SCUBE1: variants seen among roughly 807,000 people sequenced by gnomAD.
SCUBE1 encodes signal peptide, CUB and EGF-like domain-containing protein 1.
SCUBE1 carries 59 observed loss-of-function variants against 124.4 expected under a neutral mutation model. The observed-to-expected ratio is 0.47, with a 90% CI of 0.38 to 0.59. The LOEUF is 0.59. Among genes scored for constraint, SCUBE1 ranks in the 20% least tolerant of loss-of-function variants. SCUBE1 has a pLI of 0.00. For synonymous variants in SCUBE1, 545 were observed against 550.9 expected, an observed-to-expected ratio of 0.99 and a Z score of 0.15; for missense variants, 1,150 against 1,371.2, an observed-to-expected ratio of 0.84 and a Z score of 2.55.
Position 43,222,630 on chromosome 22 carries a change from G to A in SCUBE1, c.1432+8C>T. 2 of 1,576,494 alleles carry A rather than the reference G, an allele frequency of 1.3e-6. No homozygotes were observed. The highest frequency in any genetic ancestry group is 1.7e-6 in the Non-Finnish European group (2 of 1,162,774). ...TGGCATGCAGCATGGACAGGCCGGG[G>A]GGGTTACCTGAGCAGCTGGGCCCGA... On this transcript the variant is annotated splice_region_variant and intron_variant, in intron 12 of 21. Coordinates refer to ENST00000360835, the MANE Select transcript of SCUBE1 (RefSeq NM_173050.5).
chr22:43,332,339 C>G (rs530741833), intron 2 of SCUBE1, among the ~76,000 whole-genome samples: 44 of 152,282 alleles, frequency 2.9e-4, no homozygotes, highest in African/African-American at 1.0e-3. Context: ...GGCCCCAACT[C>G]TAAAATAAAT....
Position 43,203,892 on chromosome 22 carries a change from C to T in SCUBE1, c.*105G>A. 2 of 1,262,852 alleles carry T rather than the reference C, an allele frequency of 1.6e-6. No homozygotes were observed. The highest frequency in any genetic ancestry group is 2.2e-6 in the Non-Finnish European group (2 of 890,194). The allele number at this position is 1,262,852 out of a possible 1,614,324, so 78.2% of individuals were successfully genotyped here. A position where few individuals can be genotyped will look rare whatever the true frequency, so the allele number is the denominator to read the frequency against. The stretch of plus-strand genomic sequence containing the variant: ...GGTCGGCTTCCCTGAAGGGCAGTGC[C>T]ATGGGGTTCCCAAGGTGGTGTGGAG... On this transcript the variant is annotated 3_prime_UTR_variant, in exon 22 of 22. Coordinates refer to ENST00000360835, the MANE Select transcript of SCUBE1 (RefSeq NM_173050.5).
chr22:43,279,408 C>T (rs1924670460), intron 4 of SCUBE1, among the ~76,000 whole-genome samples: 1 of 152,184 alleles, frequency 6.6e-6, no homozygotes, highest in Non-Finnish European at 1.5e-5. Context: ...GGAAAGAAAC[C>T]TTTATTTTTA....
intron 2 of SCUBE1, among the ~76,000 whole-genome samples, chr22:43,334,180 C>T (rs750393384): frequency 1.4e-4 from 21 of 152,252 alleles, no homozygotes; most frequent in South Asian, 2.1e-4. Flanking sequence ...CTGGAGGGTG[C>T]GGTAATTGAT....
intron 3 of SCUBE1, among the ~76,000 whole-genome samples, chr22:43,297,673 G>C (rs1436529455): frequency 6.6e-6 from 1 of 152,256 alleles, no homozygotes; most frequent in African/African-American, 2.4e-5. Context: ...TCCCCGGGAG[G>C]TGTGCTTCTT....
chr22:43,323,727 ACATT>A (rs1292221430), intron 2 of SCUBE1, among the ~76,000 whole-genome samples: 28 of 152,250 alleles, frequency 1.8e-4, no homozygotes, highest in African/African-American at 5.8e-4. Flanking sequence ...ACACACACGC[ACATT>A]CAAACACCTA....
Position 43,203,591 on chromosome 22 carries a change from C to G in SCUBE1, c.*406G>C, listed in dbSNP as rs966728421. 4 of 168,276 alleles carry G rather than the reference C, an allele frequency of 2.4e-5. No homozygotes were observed. Among genetic ancestry groups the G allele is most frequent in the African/African-American group, 9.6e-5 (4 of 41,614 alleles). 10.4% of individuals were successfully genotyped at this position (168,276 alleles called of 1,614,324 possible). ...CACAGGCTCATCGACCTCCCCCAGA[C>G]GGCGCCTTTGTCCCCTCCTCTCTCC... On this transcript the variant is annotated 3_prime_UTR_variant, in exon 22 of 22. Coordinates refer to ENST00000360835, the MANE Select transcript of SCUBE1 (RefSeq NM_173050.5).
Position 43,227,526 on chromosome 22 carries a change from GGGAGGCT to G in SCUBE1, c.1085-37_1085-31del, listed in dbSNP as rs771103241. On this transcript the variant is annotated intron_variant, in intron 9 of 21. Coordinates refer to ENST00000360835, the MANE Select transcript of SCUBE1 (RefSeq NM_173050.5). ...AAGCACAGCGGGCGTAAGGGCAGAG[GGGAGGCT>G]GGCGGCTGGCGGCTGGCAGGGGAAG... The G allele has an allele frequency of 8.7e-6, 14 of 1,600,264 alleles. No homozygotes were observed. In the African/African-American group the frequency reaches 1.7e-4, roughly 20 times the overall value.
At chr22:43,300,833 C>T (rs1258794784) in intron 3 of SCUBE1, among the ~76,000 whole-genome samples, 1 of 152,040 alleles carries the variant, frequency 6.6e-6, no homozygotes, top group Non-Finnish European at 1.5e-5. Context: ...GGCTACCTAT[C>T]TGCCAAGGTT....
intron 3 of SCUBE1, among the ~76,000 whole-genome samples, chr22:43,299,229 G>T (rs1327008433): frequency 2.0e-5 from 3 of 152,126 alleles, no homozygotes; most frequent in African/African-American, 7.2e-5. Context: ...TCTGCACAGC[G>T]CCTGGCACAC....
chr22:43,339,613 A>ATCCCCCCACAAGCATCACTCCAGCCC (rs1569037803), intron 1 of SCUBE1, among the ~76,000 whole-genome samples: 5 of 105,016 alleles, frequency 4.8e-5, no homozygotes, highest in African/African-American at 2.1e-4. Flanking sequence ...TCCTCACTCT[A>ATCCCCCCACAAGCATCACTCCAGCCC]TCCCCTACTC....
chr22:43,299,063 A>C (rs1038474564), intron 3 of SCUBE1, among the ~76,000 whole-genome samples: 11 of 151,604 alleles, frequency 7.3e-5, no homozygotes, highest in African/African-American at 2.7e-4. Context: ...AAAAAAAAAA[A>C]AAGAAAAAAG....
intron 4 of SCUBE1, among the ~76,000 whole-genome samples, chr22:43,284,154 T>C (rs1925037451): frequency 6.6e-6 from 1 of 152,234 alleles, no homozygotes; most frequent in African/African-American, 2.4e-5. Flanking sequence ...ATAAGAGCAG[T>C]GTCGAAAGAA....
At chr22:43,243,726 G>A (rs913729255) in intron 6 of SCUBE1, among the ~76,000 whole-genome samples, 26 of 152,334 alleles carry the variant, frequency 1.7e-4, no homozygotes, top group African/African-American at 6.0e-4. Flanking sequence ...AAGTCCCTTG[G>A]CTTCTCAAAG....
chr22:43,296,784 C>A (rs201953717), intron 3 of SCUBE1, among the ~76,000 whole-genome samples: 1 of 67,986 alleles, frequency 1.5e-5, no homozygotes, highest in Admixed American at 2.3e-4. Context: ...AAATGGCAGG[C>A]AAGGGAGCTG....
At chr22:43,225,587 C>T (rs1374315143) in intron 10 of SCUBE1, among the ~76,000 whole-genome samples, 2 of 150,944 alleles carry the variant, frequency 1.3e-5, no homozygotes, top group African/African-American at 2.4e-5. Flanking sequence ...CCAGCCTGAC[C>T]AACATGGTGA....
At chr22:43,229,710 A>G (rs117879842) in intron 8 of SCUBE1, among the ~76,000 whole-genome samples, 1 of 152,310 alleles carries the variant, frequency 6.6e-6, no homozygotes, top group Non-Finnish European at 1.5e-5. Context: ...TGCCACCCAT[A>G]AAGGTCAAAA....
chr22:43,297,898 CTG>C (rs1222780444), intron 3 of SCUBE1, among the ~76,000 whole-genome samples: 2 of 152,212 alleles, frequency 1.3e-5, no homozygotes, highest in Non-Finnish European at 2.9e-5. Flanking sequence ...CAAGAGCCTA[CTG>C]TGTGTCAGGC....
chr22:43,261,505 G>C (rs1186121932), intron 5 of SCUBE1, among the ~76,000 whole-genome samples: 2 of 152,220 alleles, frequency 1.3e-5, no homozygotes. Context: ...GAGACCATGA[G>C]TTGGGAAAGG....
Sources: gnomAD v4.1 joint callset for allele counts (sites outside exome capture counted in the v4.1 genomes callset) on GRCh38, gnomAD v4.1.1 for gene constraint, MANE v1.5 for transcripts, NCBI Gene and HGNC (gene_info 2026-07-23, HGNC 2026-07-21) for gene names.